The following GALNT8 variants were observed in gnomAD, a reference collection of about 807,000 sequenced individuals.
GALNT8 encodes the protein probable polypeptide N-acetylgalactosaminyltransferase 8.
A neutral mutation model predicts 62.7 loss-of-function variants in GALNT8; 66 were observed. The ratio of observed to expected loss-of-function variants is 1.05; its 90% CI spans 0.86 to 1.29. GALNT8 has a LOEUF of 1.29. GALNT8 is among the 50% of genes most tolerant of loss of function. The pLI, the probability that GALNT8 is intolerant of heterozygous loss-of-function variation, is 0.00. For synonymous variants in GALNT8, 288 were observed against 294.3 expected, an observed-to-expected ratio of 0.98 and a Z score of 0.22; for missense variants, 771 against 791.8, an observed-to-expected ratio of 0.97 and a Z score of 0.32.
At chr12:4,764,142 T>C (rs1441701305) in intron 9 of GALNT8, 95 bp downstream of exon 9, 4 of 781,948 alleles carry the variant, frequency 5.1e-6, no homozygotes, top group Non-Finnish European at 7.1e-6. Flanking sequence ...TGATACGTGA[T>C]GGGGAGGCAG....
intron 6 of GALNT8, among the ~76,000 whole-genome samples, chr12:4,755,961 A>G (rs1053755797): frequency 3.3e-5 from 5 of 152,166 alleles, no homozygotes; most frequent in Non-Finnish European, 5.9e-5. Flanking sequence ...TAGGACAGAA[A>G]GCTCTTCTTA....
In GALNT8 at chr12:4,745,434, A is replaced by T. The variant is rs1395573264; in HGVS notation, c.866A>T (p.Glu289Val). 1 of 1,607,456 alleles carries T rather than the reference A, an allele frequency of 6.2e-7. No individual in the cohort carries two copies. Among genetic ancestry groups the T allele is most frequent in the Admixed American group, 1.7e-5 (1 of 60,020 alleles). ...AHIEVNVGWA[E>V]PILARIQEDR... ...TCTGCACACTCTTGTTCTAGGGCAG[A>T]GCCAATCTTGGCTCGGATTCAGGAG... Residue 289 changes from glutamate (E) to valine (V), a missense_variant, in exon 5 of 11, where the codon GAG (glutamate) becomes GTG (valine). Physicochemically the swap from Glu to Val is moderately radical, Grantham distance 121. Coordinates refer to ENST00000252318, the MANE Select transcript of GALNT8 (RefSeq NM_017417.2).
intron 3 of GALNT8, among the ~76,000 whole-genome samples, chr12:4,739,619 G>A (rs143852589): frequency 8.4e-4 from 127 of 151,468 alleles, no homozygotes; most frequent in African/African-American, 2.6e-3. Context: ...GGCCAGGAGC[G>A]TGTACCTCCA....
At chr12:4,764,841 C>T (rs1366364354) in intron 9 of GALNT8, among the ~76,000 whole-genome samples, 2 of 133,448 alleles carry the variant, frequency 1.5e-5, no homozygotes, top group African/African-American at 2.9e-5. Flanking sequence ...CTGGAGCCGC[C>T]GCACCTGGCC....
At chr12:4,730,673 A>G (rs1946217658) in intron 2 of GALNT8, among the ~76,000 whole-genome samples, 1 of 152,116 alleles carries the variant, frequency 6.6e-6, no homozygotes, top group Non-Finnish European at 1.5e-5. Context: ...TCTTTTGGCT[A>G]AAGATTGCTT....
chr12:4,758,620 G>T (rs961611617), intron 6 of GALNT8, among the ~76,000 whole-genome samples: 11 of 89,622 alleles, frequency 1.2e-4, no homozygotes, highest in African/African-American at 4.2e-4. Context: ...GTGTGTGTGT[G>T]TGTGTGTGTG....
At chr12:4,752,986 A>G (rs1460454240) in intron 6 of GALNT8, among the ~76,000 whole-genome samples, 1 of 152,158 alleles carries the variant, frequency 6.6e-6, no homozygotes, top group Non-Finnish European at 1.5e-5. Context: ...CACTTTACAT[A>G]TGTCATGTCA....
intron 3 of GALNT8, among the ~76,000 whole-genome samples, chr12:4,740,959 G>A (rs918832257): frequency 6.6e-6 from 1 of 152,196 alleles, no homozygotes; most frequent in South Asian, 2.1e-4. Flanking sequence ...GCACATGGTA[G>A]CCTCTCAGCA....
At chr12:4,756,577 C>CT (rs201234230) in intron 6 of GALNT8, among the ~76,000 whole-genome samples, 1 of 151,916 alleles carries the variant, frequency 6.6e-6, no homozygotes, top group African/African-American at 2.4e-5. Flanking sequence ...ACCTTTTTTC[C>CT]CCCTCCAAGC....
chr12:4,748,532 GGT>G (rs1176645027), intron 6 of GALNT8, among the ~76,000 whole-genome samples: 1 of 152,090 alleles, frequency 6.6e-6, no homozygotes, highest in African/African-American at 2.4e-5. Context: ...GTTCACTCTA[GGT>G]GTGTGGGTTT....
In GALNT8 at chr12:4,745,562, T is replaced by C; in HGVS notation, c.994T>C (p.Trp332Arg). 1 of 1,614,056 alleles carries C rather than the reference T, an allele frequency of 6.2e-7. No individual in the cohort carries two copies. Among genetic ancestry groups the C allele is most frequent in the Non-Finnish European group, 8.5e-7 (1 of 1,179,914 alleles). ...LAVDGFNWEL[W>R]CRYDALPQAW... Reference sequence around the variant, plus strand: ...AGTTGATGGGTTTAACTGGGAACTCTGGTGCCGCTACGATGCACTGCCACA... The same window carrying C: ...AGTTGATGGGTTTAACTGGGAACTCCGGTGCCGCTACGATGCACTGCCACA... Residue 332 changes from tryptophan (W) to arginine (R), a missense_variant, in exon 5 of 11, where the codon TGG (tryptophan) becomes CGG (arginine). Coordinates refer to ENST00000252318, the MANE Select transcript of GALNT8 (RefSeq NM_017417.2).
intron 2 of GALNT8, 136 bp from the exon 3 acceptor site, chr12:4,739,027 G>T (rs1946258196): frequency 2.0e-6 from 1 of 507,072 alleles, no homozygotes; most frequent in Non-Finnish European, 3.4e-6. Flanking sequence ...AAGCCACTAA[G>T]AGTTTTGCTT....
rs750518123 is a variant in GALNT8 at position 4,764,719 on chromosome 12, A to ATTTT, written c.1594-649_1594-646dup. On this transcript the variant is annotated intron_variant, in intron 9 of 10. Coordinates refer to ENST00000252318, the MANE Select transcript of GALNT8 (RefSeq NM_017417.2). ...CCACCATGCCCGGCTAATTTTTTGT[A>ATTTT]TTTTTTTTTTTTTTAGCAGAGACGG... 7.9e-3 allele frequency among the ~76,000 whole-genome samples: 1,027 copies of ATTTT among 129,482 alleles called. 18 individuals are homozygous for ATTTT. The highest frequency in any genetic ancestry group is 0.057 in the East Asian group (257 of 4,494). The allele number at this position is 129,482 out of a possible 152,430, so 84.9% of individuals were successfully genotyped here. A position where few individuals can be genotyped will look rare whatever the true frequency, so the allele number is the denominator to read the frequency against.
chr12:4,737,087 T>C (rs1214487353), intron 2 of GALNT8, among the ~76,000 whole-genome samples: 1 of 152,198 alleles, frequency 6.6e-6, no homozygotes, highest in Non-Finnish European at 1.5e-5. Context: ...AATGAAGAGT[T>C]CGACTTTCAT....
chr12:4,739,499 A>T (rs548585345), intron 3 of GALNT8, among the ~76,000 whole-genome samples, 170 bp downstream of exon 3: 7 of 152,270 alleles, frequency 4.6e-5, no homozygotes, highest in Non-Finnish European at 7.4e-5. Context: ...AATCTTCACA[A>T]AGTCAAGACA....
Position 4,763,263 on chromosome 12 carries a change from T to G in GALNT8, c.1370T>G (p.Ile457Arg). Residue 457 changes from isoleucine to arginine, a missense_variant, in exon 8 of 11, where the codon ATA becomes AGA. Coordinates refer to ENST00000252318, the MANE Select transcript of GALNT8 (RefSeq NM_017417.2). ...GCGTTTTATTTACAGAACTCTGGAA[T>G]AGATTTTGGAGACGTTTCTTCCAGA... ...AWNIPLQNSG[I>R]DFGDVSSRMA... 3.7e-6 allele frequency: 6 copies of G among 1,612,610 alleles called. No homozygotes were observed. Among genetic ancestry groups the G allele is most frequent in the Non-Finnish European group, 4.2e-6 (5 of 1,178,674 alleles).
intron 2 of GALNT8, among the ~76,000 whole-genome samples, chr12:4,730,314 C>G (rs1416042085): frequency 1.3e-5 from 2 of 152,006 alleles, no homozygotes; most frequent in African/African-American, 4.8e-5. Context: ...AAAATTTTCT[C>G]TATTTTCTTT....
chr12:4,765,396 A>C lies in GALNT8; in HGVS notation c.1611A>C (p.Leu537=). 1 of 1,552,878 alleles carries C rather than the reference A, an allele frequency of 6.4e-7. No individual in the cohort carries two copies. Among genetic ancestry groups the C allele is most frequent in the Non-Finnish European group, 8.7e-7 (1 of 1,144,582 alleles). Residue 537 remains leucine, a synonymous_variant, in exon 10 of 11, where the codon CTA becomes CTC. Transcript: ENST00000252318. ...TTTTTTAGAATGTCTACTATCACCT[A>C]ACTGGGGAGCTCTATGTGGGACAAC... ...EFSSQNVYYH[L]TGELYVGQLI...
chr12:4,754,576 ACT>A (rs1946336219), intron 6 of GALNT8, among the ~76,000 whole-genome samples: 1 of 151,938 alleles, frequency 6.6e-6, no homozygotes, highest in Admixed American at 6.6e-5. Flanking sequence ...CTGGCTTAAG[ACT>A]CACCCATCAG....
Sources: allele counts gnomAD v4.1 joint callset (sites outside exome capture counted in the v4.1 genomes callset), GRCh38; gene constraint gnomAD v4.1.1; transcripts MANE v1.5; gene names NCBI Gene and HGNC (gene_info 2026-07-23, HGNC 2026-07-21).